KAZN: variants seen among roughly 807,000 people sequenced by gnomAD.
KAZN encodes the protein kazrin.
KAZN carries 40 observed loss-of-function variants against 87.4 expected under a neutral mutation model. That is an observed-to-expected ratio of 0.46 (90% CI 0.36 to 0.60). KAZN has a LOEUF of 0.60. Among genes scored for constraint, KAZN ranks in the 20% least tolerant of loss-of-function variants. The probability of loss-of-function intolerance (pLI) is 0.00; values close to 1 mark genes in which losing one functional copy is unlikely to be tolerated. For synonymous variants in KAZN, 466 were observed against 458.3 expected, an observed-to-expected ratio of 1.02 and a Z score of -0.22; for missense variants, 898 against 1,073.9, an observed-to-expected ratio of 0.84 and a Z score of 2.29.
intron 2 of KAZN, among the ~76,000 whole-genome samples, chr1:14,537,399 G>A (rs982597148): frequency 3.3e-5 from 5 of 152,232 alleles, no homozygotes; most frequent in African/African-American, 9.6e-5. Flanking sequence ...AATGAATGCT[G>A]AATTTTATTT....
chr1:14,771,235 AG>A (rs1324524446), intron 1 of KAZN, among the ~76,000 whole-genome samples: 1 of 152,154 alleles, frequency 6.6e-6, no homozygotes, highest in Non-Finnish European at 1.5e-5. Flanking sequence ...CTCCTGTAAA[AG>A]CATGTTCCAA....
intron 2 of KAZN, among the ~76,000 whole-genome samples, chr1:14,256,175 T>A (rs1442542206): frequency 6.6e-5 from 10 of 152,190 alleles, no homozygotes; most frequent in Non-Finnish European, 1.3e-4. Flanking sequence ...TCAGGAAAGA[T>A]GAGCTCTCCA....
At chr1:14,850,770 G>C (rs1055226815) in intron 1 of KAZN, among the ~76,000 whole-genome samples, 1 of 152,208 alleles carries the variant, frequency 6.6e-6, no homozygotes, top group African/African-American at 2.4e-5. Context: ...AAGATGATAA[G>C]GGAGAGGCTG....
At chr1:14,181,809 T>C (rs192245188) in intron 2 of KAZN, among the ~76,000 whole-genome samples, 359 of 152,300 alleles carry the variant, frequency 2.4e-3, no homozygotes, top group Non-Finnish European at 4.1e-3. Context: ...GAGCAAATTG[T>C]TCTTGAAAGG....
intron 1 of KAZN, among the ~76,000 whole-genome samples, chr1:14,756,863 GA>G (rs1326835765): frequency 1.3e-5 from 2 of 151,994 alleles, no homozygotes; most frequent in East Asian, 1.9e-4. Flanking sequence ...GGAAAGAGGA[GA>G]AAAAAAAGCA....
intron 2 of KAZN, among the ~76,000 whole-genome samples, chr1:15,013,870 G>A (rs951960274): frequency 1.3e-5 from 2 of 152,144 alleles, no homozygotes; most frequent in Admixed American, 1.3e-4. Flanking sequence ...TTGGGGTGAG[G>A]TGGGGCAGGG....
intron 2 of KAZN, among the ~76,000 whole-genome samples, chr1:14,359,098 G>C (rs1005299576): frequency 6.6e-6 from 1 of 152,088 alleles, no homozygotes; most frequent in African/African-American, 2.4e-5. Context: ...TTATGAATCT[G>C]GGTGCTCCTG....
rs2235785 is a variant in KAZN, at chr1:15,117,402, G to A, written c.*2767G>A. ...CTTTCTGACCCCCAGGAGCCTCTGC[G>A]AGGCCCCTTTGTCCTTGGCTGAGCC... On this transcript the variant is annotated 3_prime_UTR_variant, in exon 15 of 15. Transcript: ENST00000376030. The A allele has an allele frequency of 0.4, 60,543 of 152,156 alleles. 12,886 individuals carry two copies. Among genetic ancestry groups the A allele is most frequent in the East Asian group, 0.68 (3,513 of 5,154 alleles). 9.4% of individuals were successfully genotyped at this position (152,156 alleles called of 1,614,324 possible). A position where few individuals can be genotyped will look rare whatever the true frequency, so the allele number is the denominator to read the frequency against.
chr1:14,700,462 C>T (rs1288141228), intron 1 of KAZN, among the ~76,000 whole-genome samples: 1 of 148,648 alleles, frequency 6.7e-6, no homozygotes, highest in Non-Finnish European at 1.5e-5. Flanking sequence ...CAGAACAAGA[C>T]TCTGTCTTAA....
chr1:14,300,846 T>C (rs968136002), intron 2 of KAZN, among the ~76,000 whole-genome samples: 1 of 152,196 alleles, frequency 6.6e-6, no homozygotes, highest in African/African-American at 2.4e-5. Flanking sequence ...CTAGGACGTA[T>C]CCTACCTGTG....
chr1:14,838,101 C>T (rs907121923), intron 1 of KAZN, among the ~76,000 whole-genome samples: 3 of 152,198 alleles, frequency 2.0e-5, no homozygotes, highest in African/African-American at 7.2e-5. Flanking sequence ...GAGCTGCTGC[C>T]TTCTTCCAAG....
At chr1:14,199,120 C>G (rs1646587345) in intron 2 of KAZN, among the ~76,000 whole-genome samples, 1 of 152,208 alleles carries the variant, frequency 6.6e-6, no homozygotes. Context: ...CTGGGGTACT[C>G]CTTACTGACA....
At chr1:14,899,401 G>A (rs558047128) in intron 1 of KAZN, among the ~76,000 whole-genome samples, 41 of 152,230 alleles carry the variant, frequency 2.7e-4, no homozygotes, top group Admixed American at 2.2e-3. Context: ...AGCTGCTGCC[G>A]GGACCTGAGA....
At chr1:13,931,680 CAT>C (rs34486467) in intron 1 of KAZN, among the ~76,000 whole-genome samples, 76,195 of 151,424 alleles carry the variant, frequency 0.5, 19,477 homozygotes, top group Admixed American at 0.58. Flanking sequence ...CAATGATTGT[CAT>C]GTGTGTGTGT....
intron 10 of KAZN, among the ~76,000 whole-genome samples, chr1:15,100,268 T>C (rs974396860): frequency 1.3e-5 from 2 of 152,092 alleles, no homozygotes; most frequent in Non-Finnish European, 2.9e-5. Flanking sequence ...GGTCACGGGA[T>C]GCTGAATGCA....
At chr1:14,588,885 T>C (rs1204563167) in intron 2 of KAZN, among the ~76,000 whole-genome samples, 2 of 152,174 alleles carry the variant, frequency 1.3e-5, no homozygotes, top group African/African-American at 4.8e-5. Flanking sequence ...TACATGACAA[T>C]TGTTTCAGAG....
At chr1:14,557,371 T>C (rs568374896) in intron 2 of KAZN, among the ~76,000 whole-genome samples, 1 of 152,102 alleles carries the variant, frequency 6.6e-6, no homozygotes, top group Admixed American at 6.5e-5. Flanking sequence ...GGAAAAATCT[T>C]TGCAGTCCCT....
At chr1:14,723,322 C>T (rs991674808) in intron 1 of KAZN, among the ~76,000 whole-genome samples, 2 of 152,088 alleles carry the variant, frequency 1.3e-5, no homozygotes, top group Admixed American at 1.3e-4. Flanking sequence ...TGAGCCCTAC[C>T]TTAACTGAAG....
chr1:14,162,363 T>C (rs1645727077), intron 1 of KAZN, among the ~76,000 whole-genome samples: 1 of 152,114 alleles, frequency 6.6e-6, no homozygotes, highest in Non-Finnish European at 1.5e-5. Context: ...ACTTCCCAAA[T>C]ATCTCTGAGA....
Sources: allele counts gnomAD v4.1 joint callset (sites outside exome capture counted in the v4.1 genomes callset), GRCh38; gene constraint gnomAD v4.1.1; transcripts MANE v1.5; gene names NCBI Gene and HGNC (gene_info 2026-07-23, HGNC 2026-07-21).